GRAMD2B: variants seen among roughly 807,000 people sequenced by gnomAD.
The protein encoded by GRAMD2B is GRAM domain-containing protein 2B.
In GRAMD2B, 41 loss-of-function variants were observed where a neutral mutation model predicts 59.2. That is an observed-to-expected ratio of 0.69 (90% CI 0.54 to 0.90). The LOEUF is 0.90. Among genes scored for constraint, GRAMD2B ranks in the 40% least tolerant of loss-of-function variants. The pLI is 0.00. For missense variants in GRAMD2B, 424 were observed against 500.5 expected (o/e 0.85, Z 1.46); for synonymous variants, 161 against 182.7 (o/e 0.88, Z 0.96).
chr5:126,428,211 C>T (rs890846686), intron 1 of GRAMD2B, among the ~76,000 whole-genome samples: 2 of 152,120 alleles, frequency 1.3e-5, no homozygotes, highest in African/African-American at 4.8e-5. Context: ...GCCTGGGCAA[C>T]ATAACAAGAT....
intron 1 of GRAMD2B, among the ~76,000 whole-genome samples, chr5:126,365,580 C>G (rs1371409683): frequency 6.6e-6 from 1 of 152,178 alleles, no homozygotes; most frequent in Non-Finnish European, 1.5e-5. Context: ...CATGCTTGCT[C>G]AACTGTCAGT....
chr5:126,377,831 T>A (rs1472015253), intron 1 of GRAMD2B, among the ~76,000 whole-genome samples: 1 of 152,052 alleles, frequency 6.6e-6, no homozygotes, highest in Admixed American at 6.6e-5. Context: ...GAAAAGAAAA[T>A]AAGTTTGAAA....
chr5:126,487,610 G>C (rs1355080928), intron 12 of GRAMD2B, among the ~76,000 whole-genome samples: 4 of 152,174 alleles, frequency 2.6e-5, no homozygotes, highest in Non-Finnish European at 1.5e-5. Flanking sequence ...TTTAGCCCAA[G>C]TTTTTGAAGT....
upstream of GRAMD2B, among the ~76,000 whole-genome samples, chr5:126,418,687 T>C (rs1270009530): frequency 1.3e-5 from 2 of 152,238 alleles, no homozygotes; most frequent in African/African-American, 2.4e-5. Context: ...TTATATTCAT[T>C]GGGAACCTTT....
At chr5:126,423,004 G>C (rs1159895682), upstream of GRAMD2B, 2 of 222,506 alleles carry the variant, frequency 9.0e-6, no homozygotes, top group Non-Finnish European at 1.5e-5. Flanking sequence ...ATAAAAAATT[G>C]AGCAGACCTA....
At chr5:126,422,421 A>C (rs1183968284), upstream of GRAMD2B, among the ~76,000 whole-genome samples, 4 of 151,792 alleles carry the variant, frequency 2.6e-5, no homozygotes, top group Non-Finnish European at 5.9e-5. Context: ...CTAGTCTCGA[A>C]CTCCTGACCT....
At chr5:126,466,175 C>A (rs1768342763) in intron 2 of GRAMD2B, 7 of 1,475,470 alleles carry the variant, frequency 4.7e-6, no homozygotes, top group Non-Finnish European at 6.3e-6. Context: ...AAACTGAGTA[C>A]AGAAATCATT....
intron 1 of GRAMD2B, among the ~76,000 whole-genome samples, chr5:126,401,914 G>A (rs1193313449): frequency 6.6e-6 from 1 of 152,032 alleles, no homozygotes; most frequent in Admixed American, 6.6e-5. Context: ...TGTCATCCCA[G>A]GTCATATACC....
At chr5:126,368,517 C>T (rs1012835698), upstream of GRAMD2B, among the ~76,000 whole-genome samples, 18 of 152,240 alleles carry the variant, frequency 1.2e-4, no homozygotes, top group African/African-American at 3.6e-4. Flanking sequence ...AAGTGAAATT[C>T]ACCGGGCAAG....
At chr5:126,447,927 T>A (rs67593868) in intron 1 of GRAMD2B, among the ~76,000 whole-genome samples, 41,203 of 151,102 alleles carry the variant, frequency 0.27, 5,913 homozygotes, top group African/African-American at 0.37. Context: ...TGGCATGATC[T>A]CGGCTTACTG....
chr5:126,368,231 T>G (rs957285446), upstream of GRAMD2B, among the ~76,000 whole-genome samples: 3 of 152,198 alleles, frequency 2.0e-5, no homozygotes, highest in African/African-American at 7.2e-5. Flanking sequence ...GACCACCTGG[T>G]CTTTGTTTTA....
chr5:126,471,257 G>A (rs1769528757), intron 3 of GRAMD2B, among the ~76,000 whole-genome samples: 1 of 152,036 alleles, frequency 6.6e-6, no homozygotes, highest in Non-Finnish European at 1.5e-5. Context: ...TCCTGTGGAG[G>A]GAGGATCGAG....
chr5:126,392,220 A>G (rs1256859527), intron 1 of GRAMD2B, among the ~76,000 whole-genome samples: 3 of 152,206 alleles, frequency 2.0e-5, no homozygotes, highest in Non-Finnish European at 2.9e-5. Context: ...AAGACCAGCC[A>G]CACTCAGAGA....
chr5:126,483,956 G>A (rs1772364250), intron 9 of GRAMD2B, among the ~76,000 whole-genome samples: 1 of 152,242 alleles, frequency 6.6e-6, no homozygotes, highest in Admixed American at 6.5e-5. Flanking sequence ...AGCCTCCTGA[G>A]TAGCTGGGAT....
At chr5:126,381,571 A>T (rs1321823814) in intron 1 of GRAMD2B, among the ~76,000 whole-genome samples, 1 of 152,154 alleles carries the variant, frequency 6.6e-6, no homozygotes, top group African/African-American at 2.4e-5. Flanking sequence ...CCTCGGGTTT[A>T]TGTGAGTCCT....
chr5:126,485,010 G>T (rs1772633190), intron 10 of GRAMD2B, among the ~76,000 whole-genome samples: 1 of 152,098 alleles, frequency 6.6e-6, no homozygotes, highest in African/African-American at 2.4e-5. Flanking sequence ...TGCTTACAGT[G>T]GGGGATACAA....
chr5:126,360,587 T>A (rs981582214), intron 1 of GRAMD2B: 19 of 896,964 alleles, frequency 2.1e-5, no homozygotes, highest in Non-Finnish European at 2.8e-5. Context: ...GATTGCCCAC[T>A]GGGGGAGTTT....
At chr5:126,380,333 G>GT (rs777138895) in intron 1 of GRAMD2B, among the ~76,000 whole-genome samples, 2 of 152,140 alleles carry the variant, frequency 1.3e-5, no homozygotes, top group Non-Finnish European at 2.9e-5. Context: ...TTGAAGTCAG[G>GT]TAATGTGATG....
At chr5:126,395,451 G>A (rs1301331060) in intron 1 of GRAMD2B, among the ~76,000 whole-genome samples, 3 of 152,154 alleles carry the variant, frequency 2.0e-5, no homozygotes, top group African/African-American at 7.2e-5. Flanking sequence ...ACAAGGCTGG[G>A]GAGAGAAGCA....
Sources: allele counts gnomAD v4.1 joint callset (sites outside exome capture counted in the v4.1 genomes callset), GRCh38; gene constraint gnomAD v4.1.1; transcripts MANE v1.5; gene names NCBI Gene and HGNC (gene_info 2026-07-23, HGNC 2026-07-21).